ZBTB7C: variants seen among roughly 807,000 people sequenced by gnomAD.
ZBTB7C encodes the protein zinc finger and BTB domain containing 7C.
ZBTB7C carries 8 observed loss-of-function variants against 25.7 expected under a neutral mutation model. That is an observed-to-expected ratio of 0.31 (90% CI 0.18 to 0.56). The LOEUF (loss-of-function observed/expected upper bound fraction) is 0.56. ZBTB7C is among the 20% of genes least tolerant of loss of function. ZBTB7C has a pLI of 0.91. For synonymous variants in ZBTB7C, 394 were observed against 369.0 expected (o/e 1.07, Z -0.78); for missense variants, 824 against 855.2 (o/e 0.96, Z 0.46).
chr18:48,360,827 G>C (rs1167760720), intron 1 of ZBTB7C, among the ~76,000 whole-genome samples: 2 of 152,148 alleles, frequency 1.3e-5, no homozygotes, highest in Non-Finnish European at 2.9e-5. Context: ...TGCAGCAGCT[G>C]GTGGTGGTGG....
Position 48,380,347 on chromosome 18 carries a change from G to A in ZBTB7C, c.-304+28879C>T, listed in dbSNP as rs550861157. ...GGAATTGAATATTAAATAAATGGATGGCAGATGGTGGGAGCCAGGTTTCTC... is the reference window on the plus strand; with the variant it reads ...GGAATTGAATATTAAATAAATGGATAGCAGATGGTGGGAGCCAGGTTTCTC... On this transcript the variant is annotated intron_variant, in intron 1 of 4. Transcript: ENST00000590800. 5.9e-5 allele frequency among the ~76,000 whole-genome samples: 9 copies of A among 152,278 alleles called. 1 individual carries two copies. In the South Asian group the frequency reaches 1.7e-3, roughly 28 times the overall value.
At chr18:48,051,335 G>A (rs2036678397) in intron 3 of ZBTB7C, among the ~76,000 whole-genome samples, 1 of 152,202 alleles carries the variant, frequency 6.6e-6, no homozygotes, top group African/African-American at 2.4e-5. Context: ...ATGGGTGTGG[G>A]ATTCAGGCTG....
At chr18:48,039,827 C>A in intron 4 of ZBTB7C, 73 bp downstream of exon 4, 5 of 1,516,304 alleles carry the variant, frequency 3.3e-6, no homozygotes, top group Non-Finnish European at 3.6e-6. Flanking sequence ...CCACCGCCAG[C>A]CTCCCTGCCC....
intron 2 of ZBTB7C, among the ~76,000 whole-genome samples, chr18:48,207,235 C>A (rs999854677): frequency 6.6e-6 from 1 of 152,174 alleles, no homozygotes; most frequent in Non-Finnish European, 1.5e-5. Flanking sequence ...AATACAATTA[C>A]TTCAAAAGAG....
chr18:48,222,864 A>G (rs73433335), intron 2 of ZBTB7C, among the ~76,000 whole-genome samples: 4,076 of 152,214 alleles, frequency 0.027, 185 homozygotes, highest in African/African-American at 0.092. Flanking sequence ...TCTGTACCCA[A>G]TGAAGTCCAA....
intron 3 of ZBTB7C, among the ~76,000 whole-genome samples, chr18:48,136,103 GC>G (rs2040148352): frequency 6.6e-6 from 1 of 152,174 alleles, no homozygotes; most frequent in Non-Finnish European, 1.5e-5. Context: ...GGGCGTGGGT[GC>G]TGGGTTAGGG....
chr18:48,356,426 A>G (rs1354301659), intron 1 of ZBTB7C, among the ~76,000 whole-genome samples: 3 of 152,162 alleles, frequency 2.0e-5, no homozygotes, highest in African/African-American at 7.2e-5. Context: ...AACCAAGTAG[A>G]GTTTAACAGT....
intron 3 of ZBTB7C, among the ~76,000 whole-genome samples, chr18:48,080,869 C>T (rs908002582): frequency 2.6e-5 from 4 of 152,218 alleles, no homozygotes; most frequent in East Asian, 3.9e-4. Context: ...TCTCCCTCTG[C>T]CCCTGCCACT....
At chr18:48,060,135 T>A (rs1414621748) in intron 3 of ZBTB7C, among the ~76,000 whole-genome samples, 1 of 152,120 alleles carries the variant, frequency 6.6e-6, no homozygotes, top group Non-Finnish European at 1.5e-5. Context: ...CACGACCCAT[T>A]TTAACCAGTG....
chr18:48,168,479 G>C (rs1478625830), intron 3 of ZBTB7C, among the ~76,000 whole-genome samples: 2 of 152,138 alleles, frequency 1.3e-5, no homozygotes, highest in Non-Finnish European at 2.9e-5. Context: ...TACAGACATA[G>C]GTTTAAATCT....
At chr18:48,104,840 G>T (rs1437766788) in intron 3 of ZBTB7C, among the ~76,000 whole-genome samples, 1 of 152,232 alleles carries the variant, frequency 6.6e-6, no homozygotes, top group African/African-American at 2.4e-5. Flanking sequence ...CCAGCAGTGT[G>T]TGGGGCCATC....
At chr18:48,295,304 T>G (rs1253507189) in intron 2 of ZBTB7C, among the ~76,000 whole-genome samples, 1 of 152,146 alleles carries the variant, frequency 6.6e-6, no homozygotes, top group African/African-American at 2.4e-5. Context: ...GAACTGAGGC[T>G]CCAGATATCT....
chr18:48,279,680 C>A (rs1233975771), intron 2 of ZBTB7C, among the ~76,000 whole-genome samples: 2 of 152,224 alleles, frequency 1.3e-5, no homozygotes, highest in Admixed American at 1.3e-4. Context: ...TCTTAAGCCT[C>A]AGGCAGCTCC....
At chr18:48,036,225 T>C (rs965439280) in intron 4 of ZBTB7C, among the ~76,000 whole-genome samples, 2 of 152,138 alleles carry the variant, frequency 1.3e-5, no homozygotes, top group African/African-American at 4.8e-5. Flanking sequence ...GACAATACCA[T>C]TGTGGGGCGG....
At chr18:48,360,703 C>T (rs1323486328) in intron 1 of ZBTB7C, among the ~76,000 whole-genome samples, 3 of 151,986 alleles carry the variant, frequency 2.0e-5, no homozygotes, top group Admixed American at 6.5e-5. Context: ...ATCCCTAGAC[C>T]AAGTGACCAG....
chr18:48,120,953 T>C (rs2039607754), intron 3 of ZBTB7C, among the ~76,000 whole-genome samples: 2 of 152,170 alleles, frequency 1.3e-5, no homozygotes, highest in Admixed American at 6.5e-5. Context: ...GGCCGACTGA[T>C]TTTGGGAGGT....
intron 1 of ZBTB7C, among the ~76,000 whole-genome samples, chr18:48,399,402 A>C (rs1425921256): frequency 6.6e-6 from 1 of 152,254 alleles, no homozygotes; most frequent in Non-Finnish European, 1.5e-5. Context: ...AAAAGTAATA[A>C]AAAATCTGCT....
At chr18:48,101,875 C>T (rs1386066291) in intron 3 of ZBTB7C, among the ~76,000 whole-genome samples, 9 of 152,140 alleles carry the variant, frequency 5.9e-5, no homozygotes, top group East Asian at 1.9e-4. Flanking sequence ...GTGGCTGGTT[C>T]GCTCTCTCTG....
intron 3 of ZBTB7C, among the ~76,000 whole-genome samples, chr18:48,061,669 A>C (rs535989575): frequency 1.3e-5 from 2 of 152,350 alleles, no homozygotes; most frequent in East Asian, 3.9e-4. Context: ...ACAGCCAAGC[A>C]GGGTCCCATG....
Sources: gnomAD v4.1 joint callset for allele counts (sites outside exome capture counted in the v4.1 genomes callset) on GRCh38, gnomAD v4.1.1 for gene constraint, MANE v1.5 for transcripts, NCBI Gene and HGNC (gene_info 2026-07-23, HGNC 2026-07-21) for gene names.